ELMO1: variants seen among roughly 807,000 people sequenced by gnomAD.
ELMO1 encodes engulfment and cell motility 1.
ELMO1 carries 26 observed loss-of-function variants against 98.9 expected under a neutral mutation model. The ratio of observed to expected loss-of-function variants is 0.26; its 90% CI spans 0.19 to 0.36. ELMO1 has a LOEUF of 0.36. ELMO1 is among the 10% of genes least tolerant of loss of function. ELMO1 has a pLI of 1.00. For missense variants in ELMO1, 627 were observed against 935.2 expected (o/e 0.67, Z 4.30); for synonymous variants, 346 against 346.0 (o/e 1.00, Z 0.00).
At chr7:36,990,165 T>C (rs1584484760) in intron 16 of ELMO1, among the ~76,000 whole-genome samples, 1 of 152,336 alleles carries the variant, frequency 6.6e-6, no homozygotes, top group Non-Finnish European at 1.5e-5. Flanking sequence ...GGTTTTGTTA[T>C]GGAGATCCCA....
intron 1 of ELMO1, among the ~76,000 whole-genome samples, chr7:37,356,792 G>A (rs1473243063): frequency 6.6e-6 from 1 of 151,180 alleles, no homozygotes; most frequent in African/African-American, 2.4e-5. Context: ...AATGATCAAT[G>A]GATAGGAAGA....
chr7:37,025,757 A>C (rs776299857), intron 15 of ELMO1, among the ~76,000 whole-genome samples: 2 of 151,980 alleles, frequency 1.3e-5, no homozygotes, highest in African/African-American at 2.4e-5. Context: ...AGAACTTCTC[A>C]GCCTTCATAA....
intron 8 of ELMO1, among the ~76,000 whole-genome samples, chr7:37,230,893 C>T (rs1794134538): frequency 6.6e-6 from 1 of 152,152 alleles, no homozygotes; most frequent in Non-Finnish European, 1.5e-5. Flanking sequence ...TCCCTGCCAC[C>T]ACCAAAGGTG....
chr7:37,265,905 C>T (rs1349142764), intron 5 of ELMO1, among the ~76,000 whole-genome samples: 1 of 152,070 alleles, frequency 6.6e-6, no homozygotes, highest in Admixed American at 6.6e-5. Flanking sequence ...GCCAGAGCAC[C>T]GGGAGGAACA....
At chr7:37,290,459 G>T (rs903946968) in intron 4 of ELMO1, among the ~76,000 whole-genome samples, 2 of 152,086 alleles carry the variant, frequency 1.3e-5, no homozygotes, top group Admixed American at 6.5e-5. Context: ...TGTATTTGCA[G>T]AAATTAATTA....
chr7:37,198,782 C>G (rs1792115097), intron 13 of ELMO1, among the ~76,000 whole-genome samples: 1 of 152,236 alleles, frequency 6.6e-6, no homozygotes, highest in South Asian at 2.1e-4. Flanking sequence ...ACAATACACT[C>G]AGGGACGAAG....
chr7:37,279,332 G>A (rs1349079414), intron 4 of ELMO1, among the ~76,000 whole-genome samples: 2 of 152,184 alleles, frequency 1.3e-5, no homozygotes, highest in Non-Finnish European at 2.9e-5. Flanking sequence ...TCATCATGGC[G>A]GACGGGAGGC....
chr7:36,963,404 A>AACT (rs1562860679), intron 16 of ELMO1, among the ~76,000 whole-genome samples: 4 of 135,366 alleles, frequency 3.0e-5, no homozygotes, highest in Non-Finnish European at 6.3e-5. Context: ...AATAAATAAA[A>AACT]AAATAAATAA....
intron 13 of ELMO1, among the ~76,000 whole-genome samples, chr7:37,208,548 G>A (rs1229221355): frequency 6.6e-6 from 1 of 152,174 alleles, no homozygotes; most frequent in Admixed American, 6.5e-5. Context: ...ATTCCTCTTT[G>A]GGAAGTACAG....
chr7:37,402,991 C>T (rs1803598750), intron 1 of ELMO1, among the ~76,000 whole-genome samples: 1 of 152,174 alleles, frequency 6.6e-6, no homozygotes, highest in African/African-American at 2.4e-5. Flanking sequence ...CAAAAACCTG[C>T]ACTCAAATGT....
chr7:36,891,633 T>C (rs998375), intron 17 of ELMO1, among the ~76,000 whole-genome samples: 16,635 of 152,282 alleles, frequency 0.11, 1,183 homozygotes, highest in Middle Eastern at 0.17. Context: ...CAAGTGGATA[T>C]TAGGTCCCAG....
chr7:36,861,518 A>G, intron 21 of ELMO1, 141 bp downstream of exon 21: 1 of 892,752 alleles, frequency 1.1e-6, no homozygotes, highest in Non-Finnish European at 1.7e-6. Flanking sequence ...AGAGGTTTCT[A>G]TTCTCCTCCA....
At chr7:37,235,775 A>G (rs1794427956) in intron 7 of ELMO1, among the ~76,000 whole-genome samples, 1 of 152,200 alleles carries the variant, frequency 6.6e-6, no homozygotes, top group African/African-American at 2.4e-5. Flanking sequence ...TCTCCTAAAA[A>G]TACAAAAATT....
intron 1 of ELMO1, among the ~76,000 whole-genome samples, chr7:37,384,599 A>G (rs1009351747): frequency 6.6e-6 from 1 of 152,096 alleles, no homozygotes; most frequent in Non-Finnish European, 1.5e-5. Flanking sequence ...GGGCGCCTGT[A>G]GTCCCAGCCA....
At chr7:36,951,476 A>G (rs914228176) in intron 16 of ELMO1, among the ~76,000 whole-genome samples, 2 of 152,184 alleles carry the variant, frequency 1.3e-5, no homozygotes, top group Non-Finnish European at 2.9e-5. Flanking sequence ...CCTCCTTCCC[A>G]TCACGTAGCC....
At chr7:37,263,238 G>T (rs1005961511) in intron 5 of ELMO1, among the ~76,000 whole-genome samples, 2 of 150,898 alleles carry the variant, frequency 1.3e-5, no homozygotes, top group African/African-American at 4.9e-5. Flanking sequence ...AGTTATTGCA[G>T]ATCACTCTTT....
intron 16 of ELMO1, among the ~76,000 whole-genome samples, chr7:36,956,500 T>C (rs1788456132): frequency 6.6e-6 from 1 of 152,220 alleles, no homozygotes; most frequent in Non-Finnish European, 1.5e-5. Context: ...AATCATCATG[T>C]TATATGTTTG....
At chr7:37,187,383 T>C (rs1791275210) in intron 13 of ELMO1, among the ~76,000 whole-genome samples, 1 of 152,128 alleles carries the variant, frequency 6.6e-6, no homozygotes, top group East Asian at 1.9e-4. Context: ...GGTGATGGCT[T>C]TACAACCCTG....
rs772275425 is a variant in ELMO1 at position 37,342,716 on chromosome 7, C to T, written c.-26G>A. ...TGTAAGTCCCCAAAATGTTCAAAGC[C>T]AGTGGGAATGAGGATCCTACAGCGT... On this transcript the variant is annotated 5_prime_UTR_variant, in exon 2 of 22. Coordinates refer to ENST00000310758, the MANE Select transcript of ELMO1 (RefSeq NM_014800.11). The surrounding 1 kb of genome is among the most constrained non-coding windows in gnomAD (Gnocchi z 4.3). 1.3e-5 allele frequency: 20 copies of T among 1,598,476 alleles called. No individual in the cohort carries two copies. The highest frequency in any genetic ancestry group is 5.6e-5 in the South Asian group (5 of 89,214).
Sources: gnomAD v4.1 joint callset for allele counts (sites outside exome capture counted in the v4.1 genomes callset) on GRCh38, gnomAD v4.1.1 for gene constraint, Gnocchi (gnomAD v3.1) non-coding constraint, MANE v1.5 for transcripts, NCBI Gene and HGNC (gene_info 2026-07-23, HGNC 2026-07-21) for gene names.